Variants in IFNAR1 observed in about 807,000 individuals in gnomAD.
IFNAR1 encodes the protein interferon alpha/beta receptor 1.
A neutral mutation model predicts 62.1 loss-of-function variants in IFNAR1; 47 were observed. That is an observed-to-expected ratio of 0.76 (90% CI 0.60 to 0.97). The LOEUF (loss-of-function observed/expected upper bound fraction) is 0.97, where lower values mean the gene tolerates loss of function less well. IFNAR1 is among the 50% of genes least tolerant of loss of function. The pLI is 0.00. For missense variants in IFNAR1, 638 were observed against 654.5 expected (o/e 0.97, Z 0.27); for synonymous variants, 219 against 226.9 (o/e 0.97, Z 0.31).
chr21:33,340,528 CTTTT>C (rs917250586), intron 2 of IFNAR1, among the ~76,000 whole-genome samples: 10 of 143,548 alleles, frequency 7.0e-5, no homozygotes, highest in Non-Finnish European at 1.5e-4. Context: ...CCTGCTTTGC[CTTTT>C]TTTTTTTTTA....
intron 6 of IFNAR1, among the ~76,000 whole-genome samples, chr21:33,346,104 A>G (rs13046501): frequency 6.6e-6 from 1 of 152,370 alleles, no homozygotes; most frequent in South Asian, 2.1e-4. Flanking sequence ...CTAAGCATTA[A>G]AATTTTTAAA....
chr21:33,325,255 C>A, intron 1 of IFNAR1, 124 bp downstream of exon 1: 2 of 853,436 alleles, frequency 2.3e-6, no homozygotes, highest in Non-Finnish European at 3.7e-6. Flanking sequence ...GTCCACTTTG[C>A]CGCGCCAAAG....
At chr21:33,351,550 T>A (rs1312523446) in intron 8 of IFNAR1, among the ~76,000 whole-genome samples, 2 of 149,600 alleles carry the variant, frequency 1.3e-5, no homozygotes, top group Non-Finnish European at 3.0e-5. Context: ...TTATTTTATT[T>A]TATTTTTTTT....
intron 8 of IFNAR1, 120 bp downstream of exon 8, chr21:33,349,663 G>A: frequency 1.4e-6 from 1 of 712,702 alleles, no homozygotes; most frequent in Non-Finnish European, 2.2e-6. Context: ...GGATGCAGTG[G>A]CCTGTAATCC....
chr21:33,335,014 A>G, intron 1 of IFNAR1: 1 of 1,485,776 alleles, frequency 6.7e-7, no homozygotes, highest in East Asian at 2.3e-5. Flanking sequence ...TCTTCCTGGC[A>G]CTGGTCAATT....
chr21:33,345,926 G>A (rs1173298932), intron 6 of IFNAR1, among the ~76,000 whole-genome samples: 1 of 152,224 alleles, frequency 6.6e-6, no homozygotes, highest in Non-Finnish European at 1.5e-5. Flanking sequence ...CTGCATAAAT[G>A]AAAGAGAACT....
chr21:33,357,378 C>T lies in IFNAR1; in HGVS notation c.*1829C>T, dbSNP rs906391581. ...CACATACACGTGTCTGCAGGCCACA[C>T]CGTGCATGTCCCCAGACCTGCCGCC... On this transcript the variant is annotated 3_prime_UTR_variant, in exon 11 of 11. Coordinates refer to ENST00000270139, the MANE Select transcript of IFNAR1 (RefSeq NM_000629.3). The T allele has an allele frequency of 1.3e-5, 2 of 152,208 alleles. No individual in the cohort carries two copies. The highest frequency in any genetic ancestry group is 6.5e-5 in the Admixed American group (1 of 15,280). 9.4% of individuals were successfully genotyped at this position (152,208 alleles called of 1,614,324 possible).
At chr21:33,346,917 T>C (rs1369740489) in intron 6 of IFNAR1, among the ~76,000 whole-genome samples, 1 of 152,208 alleles carries the variant, frequency 6.6e-6, no homozygotes, top group African/African-American at 2.4e-5. Flanking sequence ...ACTTAGCAAC[T>C]TAAACAGCTG....
chr21:33,351,950 C>A (rs17875842), intron 8 of IFNAR1, among the ~76,000 whole-genome samples: 4,211 of 152,022 alleles, frequency 0.028, 206 homozygotes, highest in African/African-American at 0.096. Context: ...TCCTGCTTGG[C>A]CTCCCAAAGT....
chr21:33,324,902 T>TGTGTGTGTGTGTGTGTGTGC (rs55884088), upstream of IFNAR1: 3 of 642,818 alleles, frequency 4.7e-6, no homozygotes, highest in Non-Finnish European at 2.8e-6. Context: ...GGTGTGTGTG[T>TGTGTGTGTGTGTGTGTGTGC]CAGAAGAGGC....
intron 1 of IFNAR1, among the ~76,000 whole-genome samples, chr21:33,326,398 T>G (rs1381852163): frequency 6.6e-6 from 1 of 152,026 alleles, no homozygotes; most frequent in Non-Finnish European, 1.5e-5. Context: ...AGAGATGGGG[T>G]TTTGCCATGT....
At chr21:33,327,785 G>T (rs533472858) in intron 1 of IFNAR1, among the ~76,000 whole-genome samples, 2 of 152,250 alleles carry the variant, frequency 1.3e-5, no homozygotes, top group East Asian at 3.9e-4. Context: ...GGTCCAGCTT[G>T]CTTTTATACA....
chr21:33,325,048 G>A lies in IFNAR1; in HGVS notation c.-8G>A, dbSNP rs746056972. ...CATGTAACTGGTGGGATCTGCGGCG[G>A]CTCCCAGATGATGGTCGTCCTCCTG... is the stretch of plus-strand genomic sequence containing the variant. On this transcript the variant is annotated 5_prime_UTR_variant, in exon 1 of 11. Coordinates refer to ENST00000270139, the MANE Select transcript of IFNAR1 (RefSeq NM_000629.3). 6.3e-7 allele frequency: 1 copy of A among 1,593,830 alleles called. No individual in the cohort carries two copies. The highest frequency in any genetic ancestry group is 8.5e-7 in the Non-Finnish European group (1 of 1,171,426).
chr21:33,332,834 G>C (rs1176187360), intron 1 of IFNAR1, among the ~76,000 whole-genome samples: 1 of 152,136 alleles, frequency 6.6e-6, no homozygotes, highest in African/African-American at 2.4e-5. Flanking sequence ...GAAAAAACAA[G>C]TGAAACCCTA....
At chr21:33,336,747 C>CTTTTT (rs562998490) in intron 2 of IFNAR1, among the ~76,000 whole-genome samples, 4 of 92,696 alleles carry the variant, frequency 4.3e-5, no homozygotes, top group African/African-American at 1.2e-4. Flanking sequence ...TTTAGGTACA[C>CTTTTT]TTTTTTTTTT....
chr21:33,325,200 G>A lies in IFNAR1; in HGVS notation c.76+69G>A, dbSNP rs2083114779. On this transcript the variant is annotated intron_variant, in intron 1 of 10. Coordinates refer to ENST00000270139, the MANE Select transcript of IFNAR1 (RefSeq NM_000629.3). Reference sequence around the variant, plus strand: ...GGCACGCAGCTGGGCTACGGGGGCGGCGATGCTGTTGGGGGCGACAGACGC... The same window carrying A: ...GGCACGCAGCTGGGCTACGGGGGCGACGATGCTGTTGGGGGCGACAGACGC... 3 of 1,377,734 alleles carry A rather than the reference G, an allele frequency of 2.2e-6. No homozygotes were observed. The East Asian group carries it at 7.1e-5, about 32-fold the overall frequency. 85.3% of individuals were successfully genotyped at this position (1,377,734 alleles called of 1,614,324 possible). A position where few individuals can be genotyped will look rare whatever the true frequency, so the allele number is the denominator to read the frequency against.
Position 33,343,545 on chromosome 21 carries a change from A to G in IFNAR1, c.542A>G (p.Glu181Gly). 3.2e-6 allele frequency: 5 copies of G among 1,543,980 alleles called. No homozygotes were observed. Among genetic ancestry groups the G allele is most frequent in the Non-Finnish European group, 4.5e-6 (5 of 1,121,298 alleles). The change falls in exon 5 of 11, where the codon GAA becomes GGA. Residue 181 changes from glutamate to glycine, a missense_variant. Physicochemically the swap from Glu to Gly is moderately conservative, Grantham distance 98. Transcript: ENST00000270139. ...KNSSGVEERI[E>G]NIYSRHKIYK... ...ATATTTGTGTTATAGGAAAGGATTG[A>G]AAATATTTATTCCAGACATAAAATT...
At chr21:33,325,171 G>T in intron 1 of IFNAR1, 40 bp downstream of exon 1, 1 of 1,560,764 alleles carries the variant, frequency 6.4e-7, no homozygotes, top group South Asian at 1.1e-5. Context: ...AGGGCGGGAG[G>T]TAGGGCACGC....
Position 33,353,792 on chromosome 21 carries a change from CTTT to C in IFNAR1, c.1440+14_1440+16del. On this transcript the variant is annotated intron_variant, in intron 10 of 10. Transcript: ENST00000270139. ...CTTCCAGTATAGATGAGGTATGTTACTTTTTTTATTTTTTTGTCAACAGCTAGG... is the reference window on the plus strand; with the variant it reads ...CTTCCAGTATAGATGAGGTATGTTACTTTTATTTTTTTGTCAACAGCTAGG... 6.5e-7 allele frequency: 1 copy of C among 1,538,302 alleles called. No individual in the cohort carries two copies.
Sources: gnomAD v4.1 joint callset for allele counts (sites outside exome capture counted in the v4.1 genomes callset) on GRCh38, gnomAD v4.1.1 for gene constraint, MANE v1.5 for transcripts, NCBI Gene and HGNC (gene_info 2026-07-23, HGNC 2026-07-21) for gene names.